The following ANKRD13A variants were observed in gnomAD, a reference collection of about 807,000 sequenced individuals.
ANKRD13A encodes ankyrin repeat domain-containing protein 13A.
In ANKRD13A, 48 loss-of-function variants were observed where a neutral mutation model predicts 81.3. The ratio of observed to expected loss-of-function variants is 0.59; its 90% CI spans 0.47 to 0.75. ANKRD13A has a LOEUF of 0.75. ANKRD13A is among the 30% of genes least tolerant of loss of function. The pLI is 0.00. For missense variants in ANKRD13A, 612 were observed against 734.0 expected, an observed-to-expected ratio of 0.83 and a Z score of 1.92; for synonymous variants, 230 against 270.1, an observed-to-expected ratio of 0.85 and a Z score of 1.45.
intron 1 of ANKRD13A, among the ~76,000 whole-genome samples, chr12:110,005,295 C>T (rs1484898247): frequency 6.6e-6 from 1 of 152,178 alleles, no homozygotes; most frequent in East Asian, 1.9e-4. Flanking sequence ...GCAAGCACTA[C>T]CACGCTTGGC....
At chr12:110,006,649 T>G (rs1002560013) in intron 1 of ANKRD13A, among the ~76,000 whole-genome samples, 18 of 151,480 alleles carry the variant, frequency 1.2e-4, no homozygotes, top group African/African-American at 3.6e-4. Context: ...TAGGCTGGAG[T>G]GCAATGGTGT....
chr12:110,012,273 T>C, intron 2 of ANKRD13A, 136 bp downstream of exon 2: 1 of 1,012,558 alleles, frequency 9.9e-7, no homozygotes, highest in Non-Finnish European at 1.4e-6. Flanking sequence ...GCTGAGGGGG[T>C]AGGATCACCT....
Position 110,036,540 on chromosome 12 carries a change from A to G in ANKRD13A, c.1577+212A>G, listed in dbSNP as rs56972807. On this transcript the variant is annotated intron_variant, in intron 14 of 14. Coordinates refer to ENST00000261739, the MANE Select transcript of ANKRD13A (RefSeq NM_033121.2). This position sits in a 1 kb window ranked among gnomAD's most constrained non-coding sequence, Gnocchi z 4.6. ...CGAGGCAGGCGGATCACGAGGTCAG[A>G]AGATTGAGACCATCCTGGCTAACAC... 0.19 allele frequency among the ~76,000 whole-genome samples: 28,464 copies of G among 152,130 alleles called. 4,893 individuals carry two copies. The highest frequency in any genetic ancestry group is 0.46 in the African/African-American group (19,208 of 41,476).
At chr12:110,025,693 G>A (rs1231277881) in intron 7 of ANKRD13A, 49 bp from the exon 8 acceptor site, 7 of 1,420,808 alleles carry the variant, frequency 4.9e-6, no homozygotes, top group Non-Finnish European at 5.8e-6. Context: ...GCTTACTTTT[G>A]GAGTTTTGAT....
intron 11 of ANKRD13A, 35 bp from the exon 12 acceptor site, chr12:110,030,610 A>G (rs748914557): frequency 2.7e-5 from 35 of 1,287,320 alleles, no homozygotes; most frequent in Non-Finnish European, 3.8e-5. Context: ...TTCTCAGTAA[A>G]GTTTACTTAT....
intron 13 of ANKRD13A, 115 bp downstream of exon 13, chr12:110,034,072 A>C (rs1252373540): frequency 8.8e-7 from 1 of 1,132,818 alleles, no homozygotes; most frequent in African/African-American, 1.6e-5. Flanking sequence ...TGACACATTC[A>C]TGGTATTTGC....
At chr12:110,028,983 G>C (rs1038925373) in intron 10 of ANKRD13A, 1 of 196,164 alleles carries the variant, frequency 5.1e-6, no homozygotes, top group African/African-American at 2.4e-5. Flanking sequence ...TGATCCGCCC[G>C]CCTGGGCCTC....
Position 110,036,895 on chromosome 12 carries a change from G to A in ANKRD13A, c.1578-464G>A, listed in dbSNP as rs1024196395. Among the ~76,000 whole-genome samples, 6 of 152,200 alleles carry A rather than the reference G, an allele frequency of 3.9e-5. No individual in the cohort carries two copies. The highest frequency in any genetic ancestry group is 7.3e-5 in the Non-Finnish European group (5 of 68,034). On this transcript the variant is annotated intron_variant, in intron 14 of 14. Coordinates refer to ENST00000261739, the MANE Select transcript of ANKRD13A (RefSeq NM_033121.2). This position sits in a 1 kb window ranked among gnomAD's most constrained non-coding sequence, Gnocchi z 4.6. The stretch of plus-strand genomic sequence containing the variant: ...ACAGGTCAGTGCCATTGGGGGAAAC[G>A]TACTGAGTCAGTTTTTTCTGATTGG...
intron 1 of ANKRD13A, among the ~76,000 whole-genome samples, chr12:110,011,256 C>T (rs548584303): frequency 4.6e-5 from 7 of 152,282 alleles, no homozygotes; most frequent in East Asian, 3.9e-4. Context: ...TCTGGACACG[C>T]GGTGCAGGTG....
intron 1 of ANKRD13A, among the ~76,000 whole-genome samples, chr12:110,011,295 G>A (rs936294214): frequency 1.3e-5 from 2 of 152,186 alleles, no homozygotes; most frequent in Non-Finnish European, 2.9e-5. Context: ...TGGCAGAATA[G>A]GAACGAAGAG....
intron 6 of ANKRD13A, among the ~76,000 whole-genome samples, chr12:110,020,314 A>G (rs1461023031): frequency 2.0e-5 from 3 of 152,230 alleles, no homozygotes; most frequent in Non-Finnish European, 4.4e-5. Flanking sequence ...CTCTTGATGA[A>G]TATAACAACT....
chr12:110,026,508 C>T (rs965354764), intron 8 of ANKRD13A, among the ~76,000 whole-genome samples: 1 of 149,326 alleles, frequency 6.7e-6, no homozygotes, highest in African/African-American at 2.5e-5. Context: ...ACCTGGCAGG[C>T]GGAGGTTTTG....
Position 109,999,545 on chromosome 12 carries a change from C to T in ANKRD13A, c.-144C>T. 1.9e-6 allele frequency: 1 copy of T among 531,894 alleles called. No homozygotes were observed. The allele number at this position is 531,894 out of a possible 1,614,324, so 32.9% of individuals were successfully genotyped here. A position where few individuals can be genotyped will look rare whatever the true frequency, so the allele number is the denominator to read the frequency against. Reference sequence around the variant, plus strand: ...CCCCGGACCTCCCGCGCGCCCCGCACCCGACCGGCTCAGCCGGCCGGCAGC... The same window carrying T: ...CCCCGGACCTCCCGCGCGCCCCGCATCCGACCGGCTCAGCCGGCCGGCAGC... On this transcript the variant is annotated 5_prime_UTR_variant, in exon 1 of 15. Coordinates refer to ENST00000261739, the MANE Select transcript of ANKRD13A (RefSeq NM_033121.2). The surrounding 1 kb of genome is among the most constrained non-coding windows in gnomAD (Gnocchi z 4.3).
Position 110,038,164 on chromosome 12 carries a change from T to C in ANKRD13A, c.*610T>C, listed in dbSNP as rs1399049554. On this transcript the variant is annotated 3_prime_UTR_variant, in exon 15 of 15. Transcript: ENST00000261739. ...TACATATAGAATCTATTTTAGATTA[T>C]TGTTAACTATTTGCATCAAATTAAG... The C allele has an allele frequency of 6.5e-6, 1 of 152,710 alleles. No homozygotes were observed. The highest frequency in any genetic ancestry group is 1.5e-5 in the Non-Finnish European group (1 of 68,064). 9.5% of individuals were successfully genotyped at this position (152,710 alleles called of 1,614,324 possible). A position where few individuals can be genotyped will look rare whatever the true frequency, so the allele number is the denominator to read the frequency against.
intron 12 of ANKRD13A, among the ~76,000 whole-genome samples, chr12:110,033,018 GC>G (rs1480318834): frequency 6.6e-6 from 1 of 151,468 alleles, no homozygotes; most frequent in Non-Finnish European, 1.5e-5. Context: ...CAAGGGATGT[GC>G]CCGCAGTATG....
intron 7 of ANKRD13A, among the ~76,000 whole-genome samples, chr12:110,025,466 CTATT>C (rs1020542357): frequency 2.3e-4 from 35 of 151,900 alleles, no homozygotes; most frequent in Middle Eastern, 3.2e-3. Flanking sequence ...TTGTTTGAGA[CTATT>C]TAGCCACAGC....
chr12:110,017,511 G>T (rs1035940675), intron 4 of ANKRD13A, among the ~76,000 whole-genome samples: 1 of 152,164 alleles, frequency 6.6e-6, no homozygotes, highest in African/African-American at 2.4e-5. Context: ...TTTCAGGCAA[G>T]AAGTCATATT....
intron 12 of ANKRD13A, chr12:110,032,604 T>C (rs1357129335): frequency 6.6e-6 from 1 of 152,176 alleles, no homozygotes. Context: ...CCTAGATGTG[T>C]ACCCTAAAGA....
intron 8 of ANKRD13A, chr12:110,027,485 G>C (rs1428009439): frequency 3.8e-6 from 2 of 526,226 alleles, no homozygotes; most frequent in Non-Finnish European, 6.8e-6. Flanking sequence ...CCATTATTCT[G>C]CTTTAATTCT....
Sources: allele counts gnomAD v4.1 joint callset (sites outside exome capture counted in the v4.1 genomes callset), GRCh38; gene constraint gnomAD v4.1.1; non-coding constraint Gnocchi (gnomAD v3.1); transcripts MANE v1.5; gene names NCBI Gene and HGNC (gene_info 2026-07-23, HGNC 2026-07-21).